The following CCDC60 variants were observed in gnomAD, a reference collection of about 807,000 sequenced individuals.
The protein encoded by CCDC60 is coiled-coil domain containing 60.
In CCDC60, 54 loss-of-function variants were observed where a neutral mutation model predicts 63.5. That is an observed-to-expected ratio of 0.85 (90% confidence interval 0.68 to 1.07). The LOEUF is 1.07. CCDC60 is among the 50% of genes least tolerant of loss of function. The probability of loss-of-function intolerance (pLI) is 0.00; values close to 1 mark genes in which losing one functional copy is unlikely to be tolerated. For synonymous variants in CCDC60, 206 were observed against 238.8 expected (o/e 0.86, Z 1.27); for missense variants, 651 against 684.3 (o/e 0.95, Z 0.54).
chr12:119,540,238 A>G (rs955328260), intron 13 of CCDC60, among the ~76,000 whole-genome samples: 4 of 152,230 alleles, frequency 2.6e-5, no homozygotes, highest in African/African-American at 9.6e-5. Context: ...AATTAAGCCC[A>G]TAGCTGTCAT....
intron 1 of CCDC60, among the ~76,000 whole-genome samples, chr12:119,423,209 A>G (rs1956844037): frequency 6.6e-6 from 1 of 152,142 alleles, no homozygotes. Context: ...CATGACCACA[A>G]TTCTGGATAT....
chr12:119,354,268 A>G (rs1955694295), intron 1 of CCDC60, among the ~76,000 whole-genome samples: 1 of 152,238 alleles, frequency 6.6e-6, no homozygotes, highest in Non-Finnish European at 1.5e-5. Context: ...TCATTTGGAC[A>G]TCAAGGAAAG....
At position 119,500,145 on chromosome 12, in the gene CCDC60, G is replaced by A; in HGVS notation, c.625G>A (p.Glu209Lys). 2 of 1,610,224 alleles carry A rather than the reference G, an allele frequency of 1.2e-6. No individual in the cohort carries two copies. The highest frequency in any genetic ancestry group is 1.7e-6 in the Non-Finnish European group (2 of 1,178,366). The change falls in exon 6 of 14, where the codon GAG becomes AAG. Residue 209 changes from glutamate (E) to lysine (K), a missense_variant. Glu to Lys is a moderately conservative substitution (Grantham distance 56, BLOSUM62 1). Transcript: ENST00000327554. ...GGACAAGTCCATGGGACAGAAATGG[G>A]AGCATTTCATCACAGCGCCAAAGGT... ...NKDKSMGQKW[E>K]HFITAPKTKK...
chr12:119,467,399 A>G (rs1950971642), intron 2 of CCDC60, among the ~76,000 whole-genome samples: 1 of 152,162 alleles, frequency 6.6e-6, no homozygotes, highest in Non-Finnish European at 1.5e-5. Context: ...ACCTCCCAAT[A>G]TGATATTAGG....
intron 2 of CCDC60, among the ~76,000 whole-genome samples, chr12:119,465,241 G>C (rs1950930715): frequency 1.3e-5 from 2 of 151,960 alleles, no homozygotes; most frequent in Non-Finnish European, 2.9e-5. Flanking sequence ...TGGAACCCGG[G>C]AGGCGGAGGT....
chr12:119,480,929 C>CCATCATCATCACCACCATCATCACCAT (rs1566032868), intron 4 of CCDC60, among the ~76,000 whole-genome samples: 1 of 148,240 alleles, frequency 6.7e-6, no homozygotes, highest in Non-Finnish European at 1.5e-5. Context: ...ATCATCATCA[C>CCATCATCATCACCACCATCATCACCAT]CATCATCATC....
intron 2 of CCDC60, among the ~76,000 whole-genome samples, chr12:119,454,175 T>G (rs1440843771): frequency 6.6e-6 from 1 of 152,174 alleles, no homozygotes; most frequent in East Asian, 1.9e-4. Flanking sequence ...ATTTTTCTCA[T>G]GTAATACTTT....
At chr12:119,433,272 G>A in intron 2 of CCDC60, 1 of 625,344 alleles carries the variant, frequency 1.6e-6, no homozygotes, top group Non-Finnish European at 2.8e-6. Context: ...AATAAAAGGT[G>A]ATACAGGCAA....
Position 119,537,846 on chromosome 12 carries a change from GTC to G in CCDC60, c.1552-2765_1552-2764del, listed in dbSNP as rs1953050047. 4.6e-5 allele frequency among the ~76,000 whole-genome samples: 7 copies of G among 152,340 alleles called. No individual in the cohort carries two copies. In the South Asian group the frequency reaches 1.4e-3, roughly 32 times the overall value. ...TGTCAGTTGGCCCCTACTGGGAGGT[GTC>G]TCCCAGTGAAGCTACATGGGGGTCA... On this transcript the variant is annotated intron_variant, in intron 13 of 13. Coordinates refer to ENST00000327554, the MANE Select transcript of CCDC60 (RefSeq NM_178499.5).
intron 1 of CCDC60, among the ~76,000 whole-genome samples, chr12:119,391,742 T>G (rs2136199199): frequency 6.6e-6 from 1 of 152,348 alleles, no homozygotes; most frequent in South Asian, 2.1e-4. Flanking sequence ...AAAAGAATTT[T>G]GTTGTGTAGG....
At chr12:119,388,172 G>T (rs1956092204) in intron 1 of CCDC60, 1 of 152,290 alleles carries the variant, frequency 6.6e-6, no homozygotes, top group East Asian at 1.9e-4. Context: ...ATGATGGCTG[G>T]AGATGTTCTA....
chr12:119,464,547 G>A (rs547386949), intron 2 of CCDC60, among the ~76,000 whole-genome samples: 1 of 152,000 alleles, frequency 6.6e-6, no homozygotes, highest in Non-Finnish European at 1.5e-5. Flanking sequence ...ACCCTCTCTT[G>A]GCCAAGGGAA....
chr12:119,385,770 C>T (rs1044536324), intron 1 of CCDC60, among the ~76,000 whole-genome samples: 2 of 152,208 alleles, frequency 1.3e-5, no homozygotes, highest in African/African-American at 2.4e-5. Flanking sequence ...TCCTGTCACA[C>T]GGCCTCTCCC....
chr12:119,418,432 T>TTTTTTTTTTC (rs1565998043), intron 1 of CCDC60, among the ~76,000 whole-genome samples: 1 of 96,372 alleles, frequency 1.0e-5, no homozygotes, highest in Non-Finnish European at 2.0e-5. Context: ...TTTTTTTTTT[T>TTTTTTTTTTC]GAGATGGGGT....
intron 1 of CCDC60, among the ~76,000 whole-genome samples, chr12:119,347,924 A>G (rs1217988454): frequency 6.6e-6 from 1 of 152,218 alleles, no homozygotes; most frequent in African/African-American, 2.4e-5. Context: ...AATATCAAGA[A>G]TTAAAATATT....
intron 1 of CCDC60, among the ~76,000 whole-genome samples, chr12:119,364,160 CTCCT>C (rs1955818067): frequency 6.6e-6 from 1 of 151,372 alleles, no homozygotes; most frequent in Admixed American, 6.6e-5. Flanking sequence ...TCCTTCTTCT[CTCCT>C]TCCTTCCTTC....
chr12:119,505,402 A>T, intron 7 of CCDC60, 99 bp downstream of exon 7: 1 of 751,864 alleles, frequency 1.3e-6, no homozygotes, highest in South Asian at 1.7e-5. Context: ...CCACTCATTT[A>T]AAGGTGACAT....
intron 2 of CCDC60, among the ~76,000 whole-genome samples, chr12:119,439,271 G>A (rs911065127): frequency 2.6e-5 from 4 of 151,642 alleles, no homozygotes; most frequent in Admixed American, 2.0e-4. Context: ...GTGTGTGCAC[G>A]TGCATGCATA....
intron 5 of CCDC60, among the ~76,000 whole-genome samples, chr12:119,499,188 C>T (rs893872971): frequency 6.6e-6 from 1 of 152,082 alleles, no homozygotes; most frequent in Non-Finnish European, 1.5e-5. Context: ...AAATCTGGTC[C>T]CACAGATTTC....
Sources: allele counts gnomAD v4.1 joint callset (sites outside exome capture counted in the v4.1 genomes callset), GRCh38; gene constraint gnomAD v4.1.1; transcripts MANE v1.5; gene names NCBI Gene and HGNC (gene_info 2026-07-23, HGNC 2026-07-21).